Variants in SKA1 observed in about 807,000 individuals in gnomAD.
The protein encoded by SKA1 is SKA complex subunit 1.
Under a neutral mutation model 31.8 loss-of-function variants are expected in SKA1, and 20 were observed. That is an observed-to-expected ratio of 0.63 (90% CI 0.44 to 0.91). The LOEUF is 0.91. Among genes scored for constraint, SKA1 ranks in the 40% least tolerant of loss-of-function variants. SKA1 has a pLI of 0.00. For missense variants in SKA1, 253 were observed against 298.2 expected, an observed-to-expected ratio of 0.85 and a Z score of 1.12; for synonymous variants, 88 against 100.5, an observed-to-expected ratio of 0.88 and a Z score of 0.74.
intron 2 of SKA1, among the ~76,000 whole-genome samples, chr18:50,377,309 G>A (rs931301436): frequency 6.6e-6 from 1 of 151,950 alleles, no homozygotes; most frequent in African/African-American, 2.4e-5. Context: ...AATCTTATGG[G>A]GCCACTGTCA....
rs768977541 is a variant in SKA1, at chr18:50,392,251, C to A, written c.*4C>A. On this transcript the variant is annotated 3_prime_UTR_variant, in exon 7 of 7. Coordinates refer to ENST00000285116, the MANE Select transcript of SKA1 (RefSeq NM_145060.4). ...TACTCGTTATGTTATAACCTGAGTCCCTTGTGAACTTTTGAACATACCAAC... is the reference window on the plus strand; with the variant it reads ...TACTCGTTATGTTATAACCTGAGTCACTTGTGAACTTTTGAACATACCAAC... 1.9e-6 allele frequency: 3 copies of A among 1,542,836 alleles called. No homozygotes were observed. The highest frequency in any genetic ancestry group is 1.3e-5 in the South Asian group (1 of 78,488).
Position 50,382,235 on chromosome 18 carries a change from AT to A in SKA1, c.311+12del. ...ACAGTAACCCAGAGCTGGTAAGTGT[AT>A]TTATAATTATTCTTGCTATCTGGAT... On this transcript the variant is annotated intron_variant, in intron 4 of 6. Coordinates refer to ENST00000285116, the MANE Select transcript of SKA1 (RefSeq NM_145060.4). The A allele has an allele frequency of 1.4e-6, 2 of 1,421,798 alleles. No homozygotes were observed. The highest frequency in any genetic ancestry group is 1.9e-6 in the Non-Finnish European group (2 of 1,064,538). The allele number at this position is 1,421,798 out of a possible 1,614,324, so 88.1% of individuals were successfully genotyped here. A position where few individuals can be genotyped will look rare whatever the true frequency, so the allele number is the denominator to read the frequency against.
intron 3 of SKA1, among the ~76,000 whole-genome samples, chr18:50,381,593 G>T (rs890023711): frequency 1.2e-4 from 18 of 151,856 alleles, no homozygotes; most frequent in African/African-American, 4.4e-4. Context: ...TATAGTGATT[G>T]TTCCCTGAAA....
At position 50,386,950 on chromosome 18, in the gene SKA1, C is replaced by A. The variant is rs139221037; in HGVS notation, c.449+1597C>A. On this transcript the variant is annotated intron_variant, in intron 5 of 6. Coordinates refer to ENST00000285116, the MANE Select transcript of SKA1 (RefSeq NM_145060.4). ...CCTATTGAAGCAATCTTAGTTCCTT[C>A]CAGTTTGGTGCAACTATGAATAAAG... 1.5e-3 allele frequency among the ~76,000 whole-genome samples: 236 copies of A among 152,314 alleles called. 2 individuals are homozygous for A. Among genetic ancestry groups the A allele is most frequent in the African/African-American group, 5.5e-3 (228 of 41,570 alleles).
chr18:50,379,184 A>G (rs1477882242), intron 2 of SKA1, among the ~76,000 whole-genome samples: 1 of 152,144 alleles, frequency 6.6e-6, no homozygotes, highest in East Asian at 1.9e-4. Flanking sequence ...TCTGCCCTTA[A>G]ATTTTTTAAA....
intron 2 of SKA1, among the ~76,000 whole-genome samples, chr18:50,376,452 G>A (rs1285079666): frequency 3.3e-5 from 5 of 152,182 alleles, no homozygotes; most frequent in Admixed American, 3.3e-4. Context: ...GAGTATTTGT[G>A]TATCTAAACA....
intron 5 of SKA1, among the ~76,000 whole-genome samples, chr18:50,387,970 G>A (rs964782763): frequency 7.9e-5 from 12 of 152,168 alleles, no homozygotes; most frequent in African/African-American, 2.4e-4. Context: ...AAGTAAATAG[G>A]CTTTTAGTGT....
rs2041364663 is a variant in SKA1 at position 50,392,350 on chromosome 18, T to G, written c.*103T>G. The G allele has an allele frequency of 1.3e-6, 1 of 790,532 alleles. No individual in the cohort carries two copies. The highest frequency in any genetic ancestry group is 3.5e-5 in the East Asian group (1 of 28,948). 49.0% of individuals were successfully genotyped at this position (790,532 alleles called of 1,614,324 possible). ...TTTTTAACTTTTAATCTTTTTTGTTTCCTTTTTTTTTTTTTTGAGACAGGA... is the reference window on the plus strand; with the variant it reads ...TTTTTAACTTTTAATCTTTTTTGTTGCCTTTTTTTTTTTTTTGAGACAGGA... On this transcript the variant is annotated 3_prime_UTR_variant, in exon 7 of 7. Transcript: ENST00000285116.
chr18:50,377,598 T>A (rs2041229770), intron 2 of SKA1, among the ~76,000 whole-genome samples: 1 of 152,226 alleles, frequency 6.6e-6, no homozygotes, highest in Admixed American at 6.5e-5. Flanking sequence ...GAGAAACAGA[T>A]GATCCTTGTC....
chr18:50,384,870 TTAA>T (rs1333379864), intron 4 of SKA1, among the ~76,000 whole-genome samples: 1 of 61,306 alleles, frequency 1.6e-5, no homozygotes, highest in African/African-American at 7.6e-5. Context: ...AAAAAAAAAA[TTAA>T]AAAAAAAAAA....
intron 5 of SKA1, 116 bp from the exon 6 acceptor site, chr18:50,391,008 A>G (rs1166251239): frequency 1.6e-6 from 1 of 638,608 alleles, no homozygotes; most frequent in African/African-American, 1.9e-5. Context: ...GATTGTTTTT[A>G]TAAAGGGTAC....
At chr18:50,385,122 T>A (rs1249863683) in intron 4 of SKA1, 94 bp from the exon 5 acceptor site, 1 of 986,488 alleles carries the variant, frequency 1.0e-6, no homozygotes, top group Non-Finnish European at 1.5e-6. Context: ...ACAGGATGAG[T>A]TACGTATTTA....
At chr18:50,380,010 G>A in intron 2 of SKA1, 116 bp from the exon 3 acceptor site, 1 of 797,716 alleles carries the variant, frequency 1.3e-6, no homozygotes, top group Non-Finnish European at 1.9e-6. Context: ...TAAAGCAGTA[G>A]ACCTTTTTCC....
intron 2 of SKA1, among the ~76,000 whole-genome samples, chr18:50,378,945 C>T (rs889869978): frequency 6.6e-5 from 10 of 152,220 alleles, no homozygotes; most frequent in Admixed American, 2.6e-4. Flanking sequence ...TTACGTTCTA[C>T]ATGCAGGGCT....
chr18:50,387,999 G>A (rs914869529), intron 5 of SKA1, among the ~76,000 whole-genome samples: 3 of 152,178 alleles, frequency 2.0e-5, no homozygotes, highest in Non-Finnish European at 2.9e-5. Flanking sequence ...ATGTTGATAC[G>A]TCTAGGAGCT....
intron 5 of SKA1, among the ~76,000 whole-genome samples, chr18:50,390,685 T>TCCA (rs2041349500): frequency 6.6e-6 from 1 of 152,186 alleles, no homozygotes; most frequent in Non-Finnish European, 1.5e-5. Flanking sequence ...CATCTTCCCT[T>TCCA]CCTCCTCCTC....
chr18:50,375,989 CT>C, intron 2 of SKA1, 71 bp downstream of exon 2: 1 of 961,594 alleles, frequency 1.0e-6, no homozygotes. Context: ...TGAATGATAT[CT>C]TTGCTTGGTT....
rs374490361 is a variant in SKA1 at position 50,385,201 on chromosome 18, A to C, written c.312-15A>C. ...CTGAAAATTGCCTGTATGTATGTAC[A>C]TCTGTATTCTGTAGTGTTAAGGGAT... On this transcript the variant is annotated splice_polypyrimidine_tract_variant and intron_variant, in intron 4 of 6. Coordinates refer to ENST00000285116, the MANE Select transcript of SKA1 (RefSeq NM_145060.4). The C allele has an allele frequency of 5.6e-6, 9 of 1,597,726 alleles. No homozygotes were observed. Among genetic ancestry groups the C allele is most frequent in the African/African-American group, 2.7e-5 (2 of 73,962 alleles).
intron 2 of SKA1, among the ~76,000 whole-genome samples, chr18:50,377,622 C>T (rs2041229974): frequency 6.6e-6 from 1 of 152,118 alleles, no homozygotes; most frequent in African/African-American, 2.4e-5. Context: ...TCTAAAATGT[C>T]TAAAGAATTA....
Sources: gnomAD v4.1 joint callset for allele counts (sites outside exome capture counted in the v4.1 genomes callset) on GRCh38, gnomAD v4.1.1 for gene constraint, MANE v1.5 for transcripts, NCBI Gene and HGNC (gene_info 2026-07-23, HGNC 2026-07-21) for gene names.